Variants in MALRD1 observed in about 807,000 individuals in gnomAD.
MALRD1 encodes MAM and LDL receptor class A domain containing 1, also known as MAM and LDL-receptor class A domain-containing protein 1.
In MALRD1, 247 loss-of-function variants were observed where a neutral mutation model predicts 242.1. The ratio of observed to expected loss-of-function variants is 1.02; its 90% CI spans 0.92 to 1.13. The LOEUF is 1.13. Among genes scored for constraint, MALRD1 ranks in the 50% most tolerant of loss-of-function variants. MALRD1 has a pLI of 0.00. For synonymous variants in MALRD1, 995 were observed against 866.6 expected (o/e 1.15, Z -2.60); for missense variants, 2,989 against 2,533.1 (o/e 1.18, Z -3.86).
chr10:19,268,417 A>G (rs1232783216), intron 19 of MALRD1, among the ~76,000 whole-genome samples: 1 of 152,190 alleles, frequency 6.6e-6, no homozygotes, highest in African/African-American at 2.4e-5. Flanking sequence ...GCTTGTGAGT[A>G]TAACTCCAAG....
At chr10:19,529,748 C>T (rs553860193) in intron 31 of MALRD1, among the ~76,000 whole-genome samples, 1 of 151,922 alleles carries the variant, frequency 6.6e-6, no homozygotes, top group South Asian at 2.1e-4. Flanking sequence ...AATATAAACA[C>T]ACAGATTAAA....
At chr10:19,149,378 A>ATGCC (rs1833856679) in intron 11 of MALRD1, among the ~76,000 whole-genome samples, 1 of 151,998 alleles carries the variant, frequency 6.6e-6, no homozygotes, top group African/African-American at 2.4e-5. Context: ...GTATGTGTGT[A>ATGCC]ATTAAGCCTC....
chr10:19,661,355 A>G (rs934495874), intron 36 of MALRD1, among the ~76,000 whole-genome samples: 1 of 152,214 alleles, frequency 6.6e-6, no homozygotes, highest in Non-Finnish European at 1.5e-5. Flanking sequence ...TTGCAGCACT[A>G]TTCACAATAG....
At chr10:19,078,889 T>C (rs1196909229) in intron 2 of MALRD1, among the ~76,000 whole-genome samples, 1 of 151,750 alleles carries the variant, frequency 6.6e-6, no homozygotes, top group Non-Finnish European at 1.5e-5. Flanking sequence ...TTTTAGTAAA[T>C]TGAGTTTTTA....
intron 29 of MALRD1, among the ~76,000 whole-genome samples, chr10:19,484,017 C>T (rs1823573848): frequency 6.6e-6 from 1 of 152,146 alleles, no homozygotes; most frequent in South Asian, 2.1e-4. Flanking sequence ...TGAATTAACA[C>T]AGGAACAGAA....
intron 33 of MALRD1, 32 bp from the exon 34 acceptor site, chr10:19,595,162 G>C (rs1417014771): frequency 6.5e-7 from 1 of 1,529,952 alleles, no homozygotes; most frequent in African/African-American, 1.4e-5. Context: ...ACTCCCTAAT[G>C]CCAAAATAAC....
intron 32 of MALRD1, among the ~76,000 whole-genome samples, chr10:19,541,961 A>G (rs1834992123): frequency 6.6e-6 from 1 of 152,248 alleles, no homozygotes; most frequent in Non-Finnish European, 1.5e-5. Flanking sequence ...GGTCCTTTGC[A>G]CAAAATGAAA....
chr10:19,730,411 T>C (rs555387856), intron 38 of MALRD1, among the ~76,000 whole-genome samples: 1 of 152,326 alleles, frequency 6.6e-6, no homozygotes, highest in Middle Eastern at 3.4e-3. Flanking sequence ...CTGAGTAATA[T>C]TTTAAGAAAT....
chr10:19,638,077 G>A (rs556902508), intron 36 of MALRD1, among the ~76,000 whole-genome samples: 4 of 131,916 alleles, frequency 3.0e-5, no homozygotes, highest in African/African-American at 8.5e-5. Flanking sequence ...CTGTAGCCTG[G>A]GCAACAAGAG....
At chr10:19,602,120 C>T (rs1012827938) in intron 34 of MALRD1, among the ~76,000 whole-genome samples, 34 of 148,090 alleles carry the variant, frequency 2.3e-4, no homozygotes, top group African/African-American at 6.4e-4. Context: ...AGGTCTTCAT[C>T]CTTGCATCCT....
intron 19 of MALRD1, among the ~76,000 whole-genome samples, chr10:19,275,539 G>A (rs1009432095): frequency 1.3e-5 from 2 of 152,104 alleles, no homozygotes; most frequent in African/African-American, 4.8e-5. Flanking sequence ...CGTGGTGGCG[G>A]GCGCCTGTAG....
At chr10:19,270,579 G>A (rs1055835553) in intron 19 of MALRD1, among the ~76,000 whole-genome samples, 1 of 152,028 alleles carries the variant, frequency 6.6e-6, no homozygotes, top group African/African-American at 2.4e-5. Context: ...GCCAGAGTTA[G>A]GAAGTAAGAG....
At chr10:19,083,993 GT>G (rs765549472) in intron 2 of MALRD1, among the ~76,000 whole-genome samples, 5 of 151,906 alleles carry the variant, frequency 3.3e-5, no homozygotes, top group Non-Finnish European at 7.4e-5. Flanking sequence ...CAATACTCTT[GT>G]GGTTTATTAC....
intron 26 of MALRD1, among the ~76,000 whole-genome samples, chr10:19,371,280 A>G (rs1284350145): frequency 6.6e-6 from 1 of 151,904 alleles, no homozygotes; most frequent in Non-Finnish European, 1.5e-5. Flanking sequence ...GAAAAACAGA[A>G]TTGGCATTGC....
Position 19,165,765 on chromosome 10 carries a change from A to G in MALRD1, c.1785A>G (p.Lys595=). The change falls in exon 13 of 40, where the codon AAA becomes AAG. Residue 595 remains lysine (K), a synonymous_variant. Transcript: ENST00000454679. ...RFSESQWSHA[K]IDLIAEAGES... is the part of the protein sequence containing the mutation. ...CCGAATCTCAGTGGAGCCACGCAAA[A>G]ATTGATCTCATTGCAGAAGCGGGAG... The G allele has an allele frequency of 1.6e-6, 2 of 1,231,680 alleles. No homozygotes were observed. Among genetic ancestry groups the G allele is most frequent in the Middle Eastern group, 3.1e-4 (1 of 3,208 alleles). The allele number at this position is 1,231,680 out of a possible 1,614,324, so 76.3% of individuals were successfully genotyped here. A position where few individuals can be genotyped will look rare whatever the true frequency, so the allele number is the denominator to read the frequency against.
At chr10:19,352,546 A>G (rs535539795) in intron 26 of MALRD1, among the ~76,000 whole-genome samples, 24 of 152,230 alleles carry the variant, frequency 1.6e-4, no homozygotes, top group African/African-American at 5.5e-4. Flanking sequence ...CCTTCCTCTT[A>G]GATCAATAAA....
chr10:19,454,445 A>G (rs1367246354), intron 29 of MALRD1, among the ~76,000 whole-genome samples: 1 of 97,766 alleles, frequency 1.0e-5, no homozygotes, highest in African/African-American at 4.1e-5. Context: ...TATATGATAC[A>G]TACATATAAA....
At chr10:19,625,200 CTT>C (rs940165021) in intron 36 of MALRD1, among the ~76,000 whole-genome samples, 7 of 152,156 alleles carry the variant, frequency 4.6e-5, no homozygotes, top group African/African-American at 1.7e-4. Context: ...GATGTTGCCT[CTT>C]TGAAGATCTG....
chr10:19,642,553 A>G (rs1840439661), intron 36 of MALRD1, among the ~76,000 whole-genome samples: 1 of 152,160 alleles, frequency 6.6e-6, no homozygotes, highest in South Asian at 2.1e-4. Flanking sequence ...TCACAGGGGG[A>G]AAAATATCAA....
Sources: allele counts gnomAD v4.1 joint callset (sites outside exome capture counted in the v4.1 genomes callset), GRCh38; gene constraint gnomAD v4.1.1; transcripts MANE v1.5; gene names NCBI Gene and HGNC (gene_info 2026-07-23, HGNC 2026-07-21).